Variants in FREM3 observed in about 807,000 individuals in gnomAD.
FREM3 encodes the protein FRAS1-related extracellular matrix protein 3.
FREM3 carries 105 observed loss-of-function variants against 129.1 expected under a neutral mutation model. That is an observed-to-expected ratio of 0.81 (90% CI 0.69 to 0.96). The LOEUF (loss-of-function observed/expected upper bound fraction) is 0.96. Among genes scored for constraint, FREM3 ranks in the 40% least tolerant of loss-of-function variants. The pLI is 0.00. For synonymous variants in FREM3, 1,014 were observed against 1,044.9 expected (o/e 0.97, Z 0.57); for missense variants, 2,593 against 2,666.3 (o/e 0.97, Z 0.61).
In FREM3 at chr4:143,696,656, T is replaced by G. The variant is rs1373690821; in HGVS notation, c.4020A>C (p.Lys1340Asn). 6.5e-7 allele frequency: 1 copy of G among 1,537,880 alleles called. No homozygotes were observed. Among genetic ancestry groups the G allele is most frequent in the Non-Finnish European group, 8.7e-7 (1 of 1,147,052 alleles). ...LKATDLDSDD[K>N]SLSFVLHSGP... is the part of the protein sequence containing the mutation. ...CAGAATGGAGGACAAAACTGAGGCT[T>G]TTATCATCTGAGTCAAGATCTGTGG... The change falls in exon 1 of 8, where the codon AAA (lysine) becomes AAC (asparagine). Residue 1340 changes from lysine to asparagine, a missense_variant. Around this residue, in one of 2 missense-constraint regions of FREM3, gnomAD observed 2,276 missense variants for 2,267.2 expected, o/e 1.00. Transcript: ENST00000329798.
intron 6 of FREM3, among the ~76,000 whole-genome samples, chr4:143,603,429 G>A (rs1497614): frequency 0.34 from 51,122 of 151,962 alleles, 9,911 homozygotes; most frequent in South Asian, 0.44. Flanking sequence ...GTTATTGTTT[G>A]TCTCATTTCT....
intron 2 of FREM3, among the ~76,000 whole-genome samples, chr4:143,677,219 A>G (rs1262188868): frequency 6.6e-6 from 1 of 152,176 alleles, no homozygotes; most frequent in Non-Finnish European, 1.5e-5. Flanking sequence ...AACAGAACAG[A>G]GCCCTCAGAA....
chr4:143,699,981 G>C lies in FREM3; in HGVS notation c.695C>G (p.Ala232Gly). Residue 232 changes from alanine to glycine, a missense_variant, in exon 1 of 8, where the codon GCC becomes GGC. Transcript: ENST00000329798. This position sits in a 1 kb window ranked among gnomAD's most constrained non-coding sequence, Gnocchi z 4.2. Reference sequence around the variant, plus strand: ...TACGCCCTTGCCCCTGGGGAGAGGGGCCCCCACCGCGTCCACCAAGCGCCC... The same window carrying C: ...TACGCCCTTGCCCCTGGGGAGAGGGCCCCCCACCGCGTCCACCAAGCGCCC... ...KYGRLVDAVG[A>G]PLPRGKGVDC... 2.0e-6 allele frequency: 3 copies of C among 1,502,238 alleles called. No individual in the cohort carries two copies. Among genetic ancestry groups the C allele is most frequent in the Non-Finnish European group, 1.8e-6 (2 of 1,127,320 alleles). 93.1% of individuals were successfully genotyped at this position (1,502,238 alleles called of 1,614,324 possible). A position where few individuals can be genotyped will look rare whatever the true frequency, so the allele number is the denominator to read the frequency against.
intron 2 of FREM3, among the ~76,000 whole-genome samples, chr4:143,665,337 T>C (rs1739838592): frequency 6.6e-6 from 1 of 152,136 alleles, no homozygotes; most frequent in African/African-American, 2.4e-5. Flanking sequence ...AGCTTACTCT[T>C]ACCATAGCAT....
At position 143,585,821 on chromosome 4, in the gene FREM3, T is replaced by C. The variant is rs1351680268; in HGVS notation, c.6178+23A>G. ...ATAAACATGTATCATGATAATGATA[T>C]ATTCTTTAAGTGGCCCTCTCACCTT... On this transcript the variant is annotated intron_variant, in intron 7 of 7. Transcript: ENST00000329798. The surrounding 1 kb of genome is among the most constrained non-coding windows in gnomAD (Gnocchi z 4.2). 8 of 1,535,178 alleles carry C rather than the reference T, an allele frequency of 5.2e-6. No homozygotes were observed. In the African/African-American group the frequency reaches 9.6e-5, roughly 18 times the overall value.
chr4:143,578,745 G>T (rs1049382600), intron 7 of FREM3, among the ~76,000 whole-genome samples: 2 of 152,212 alleles, frequency 1.3e-5, no homozygotes, highest in Non-Finnish European at 2.9e-5. Context: ...AAATTTGGAA[G>T]ACATTCTATA....
intron 2 of FREM3, among the ~76,000 whole-genome samples, chr4:143,648,517 G>C (rs1179618220): frequency 6.6e-6 from 1 of 152,200 alleles, no homozygotes; most frequent in East Asian, 1.9e-4. Flanking sequence ...TGAATCATGG[G>C]GGGGCAGTTC....
chr4:143,637,632 TG>T (rs1739255671), intron 2 of FREM3, among the ~76,000 whole-genome samples: 1 of 152,094 alleles, frequency 6.6e-6, no homozygotes, highest in Admixed American at 6.6e-5. Flanking sequence ...GCTCTCTTTT[TG>T]GAGACTGCAA....
intron 6 of FREM3, among the ~76,000 whole-genome samples, chr4:143,600,963 CTTTT>C (rs5862656): frequency 7.2e-6 from 1 of 139,096 alleles, no homozygotes. Flanking sequence ...TTTCTAAAGT[CTTTT>C]TTTTTTTTTT....
At chr4:143,681,411 A>C (rs1398014553) in intron 2 of FREM3, among the ~76,000 whole-genome samples, 1 of 152,162 alleles carries the variant, frequency 6.6e-6, no homozygotes, top group Non-Finnish European at 1.5e-5. Context: ...TGATTCCATG[A>C]GTATAATGAC....
chr4:143,697,093 T>C lies in FREM3; in HGVS notation c.3583A>G (p.Lys1195Glu). 2 of 1,537,748 alleles carry C rather than the reference T, an allele frequency of 1.3e-6. No individual in the cohort carries two copies. Among genetic ancestry groups the C allele is most frequent in the South Asian group, 1.2e-5 (1 of 84,064 alleles). ...IILPTNDEQPKLFAHEFKVLE... is the reference protein window; with the variant it reads ...IILPTNDEQPELFAHEFKVLE... The stretch of plus-strand genomic sequence containing the variant: ...ACCTTAAACTCATGGGCAAAAAGTT[T>C]AGGCTGCTCATCATTGGTGGGTAGG... Residue 1195 changes from lysine (K) to glutamate (E), a missense_variant, in exon 1 of 8, where the codon AAA becomes GAA. This residue lies in a region of FREM3 where 2,276 missense variants were observed against 2,267.2 expected (regional missense o/e 1.00). Coordinates refer to ENST00000329798, the MANE Select transcript of FREM3 (RefSeq NM_001168235.2).
chr4:143,696,916 T>C lies in FREM3; in HGVS notation c.3760A>G (p.Ser1254Gly), dbSNP rs1271033406. 4 of 1,537,540 alleles carry C rather than the reference T, an allele frequency of 2.6e-6. No individual in the cohort carries two copies. Among genetic ancestry groups the C allele is most frequent in the Admixed American group, 2.0e-5 (1 of 50,994 alleles). The change falls in exon 1 of 8, where the codon AGC (serine) becomes GGC (glycine). Residue 1254 changes from serine (S) to glycine (G), a missense_variant. Ser to Gly is a moderately conservative substitution (Grantham distance 56). Transcript: ENST00000329798. ...QLATGSQPIH[S>G]FTLKEIQEAS... is the part of the protein sequence containing the mutation. ...TCCTGGATCTCCTTGAGGGTGAAGC[T>C]GTGGATGGGCTGGCTGCCTGTAGCC... is the stretch of plus-strand genomic sequence containing the variant.
At chr4:143,645,071 CT>C (rs1285549689) in intron 2 of FREM3, 3 of 152,152 alleles carry the variant, frequency 2.0e-5, no homozygotes, top group African/African-American at 7.2e-5. Context: ...CATGAATCTG[CT>C]TTTCTCATGC....
chr4:143,666,331 T>TA (rs1287895680), intron 2 of FREM3, among the ~76,000 whole-genome samples: 1 of 152,248 alleles, frequency 6.6e-6, no homozygotes, highest in East Asian at 1.9e-4. Context: ...TGGCAGTTTC[T>TA]AAAAAAGCTA....
At chr4:143,636,671 G>A in intron 2 of FREM3, among the ~76,000 whole-genome samples, 1 of 151,942 alleles carries the variant, frequency 6.6e-6, no homozygotes. Context: ...ATTTAATTTT[G>A]ATATAACTTA....
chr4:143,624,788 C>T (rs1217468397), intron 3 of FREM3, among the ~76,000 whole-genome samples: 1 of 152,094 alleles, frequency 6.6e-6, no homozygotes. Flanking sequence ...GGAATTAGGA[C>T]AGTGCATGGC....
At chr4:143,630,108 A>G (rs1739112120) in intron 2 of FREM3, among the ~76,000 whole-genome samples, 2 of 152,148 alleles carry the variant, frequency 1.3e-5, no homozygotes, top group African/African-American at 4.8e-5. Flanking sequence ...GAGCCATTTG[A>G]TCATGAACAA....
At chr4:143,649,041 G>A (rs1739468016) in intron 2 of FREM3, among the ~76,000 whole-genome samples, 1 of 152,114 alleles carries the variant, frequency 6.6e-6, no homozygotes, top group Admixed American at 6.5e-5. Context: ...TGGGATCACA[G>A]GTATAAACTA....
Position 143,695,724 on chromosome 4 carries a change from T to C in FREM3, c.4952A>G (p.Gln1651Arg). The change falls in exon 1 of 8, where the codon CAG (glutamine) becomes CGG (arginine). Residue 1651 changes from glutamine to arginine, a missense_variant. Gln to Arg is a conservative substitution (Grantham distance 43, BLOSUM62 1). Around this residue, in one of 2 missense-constraint regions of FREM3, gnomAD observed 2,276 missense variants for 2,267.2 expected, o/e 1.00. Transcript: ENST00000329798. ...AAGCCTATTGTCTAATGATCTTATC[T>C]GGACCCTCATTACTTGAGGTTTGTG... ...ATHKPQVMRV[Q>R]IRSLDNRLPQ... The C allele has an allele frequency of 6.5e-7, 1 of 1,537,294 alleles. No individual in the cohort carries two copies. Among genetic ancestry groups the C allele is most frequent in the Non-Finnish European group, 8.7e-7 (1 of 1,146,930 alleles).
Sources: allele counts gnomAD v4.1 joint callset (sites outside exome capture counted in the v4.1 genomes callset), GRCh38; gene constraint gnomAD v4.1.1; regional missense constraint gnomAD v4.1.1; non-coding constraint Gnocchi (gnomAD v3.1); transcripts MANE v1.5; gene names NCBI Gene and HGNC (gene_info 2026-07-23, HGNC 2026-07-21).